The following ARHGAP10 variants were observed in gnomAD, a reference collection of about 807,000 sequenced individuals.
ARHGAP10 encodes the protein rho GTPase-activating protein 10.
Under a neutral mutation model 108.6 loss-of-function variants are expected in ARHGAP10, and 87 were observed. The ratio of observed to expected loss-of-function variants is 0.80; its 90% confidence interval spans 0.67 to 0.96. The LOEUF (loss-of-function observed/expected upper bound fraction) is 0.96. ARHGAP10 is among the 40% of genes least tolerant of loss of function. The pLI is 0.00. For synonymous variants in ARHGAP10, 347 were observed against 341.1 expected (o/e 1.02, Z -0.19); for missense variants, 939 against 954.5 (o/e 0.98, Z 0.21).
chr4:147,754,596 A>G (rs1442919312), intron 1 of ARHGAP10, among the ~76,000 whole-genome samples: 1 of 152,188 alleles, frequency 6.6e-6, no homozygotes, highest in Admixed American at 6.5e-5. Flanking sequence ...TTTATATTCA[A>G]CATACTGAAT....
chr4:147,982,509 T>C (rs1739852783), intron 18 of ARHGAP10, among the ~76,000 whole-genome samples: 1 of 147,640 alleles, frequency 6.8e-6, no homozygotes. Context: ...AGACTGTAGC[T>C]GGGACTACAG....
chr4:148,051,669 G>GA (rs2149683247), intron 20 of ARHGAP10, among the ~76,000 whole-genome samples: 1 of 152,338 alleles, frequency 6.6e-6, no homozygotes, highest in African/African-American at 2.4e-5. Context: ...CACCCACTGA[G>GA]AGGCTTGGCT....
intron 18 of ARHGAP10, among the ~76,000 whole-genome samples, chr4:148,004,530 G>C (rs1043119794): frequency 5.3e-5 from 8 of 152,172 alleles, no homozygotes; most frequent in African/African-American, 1.9e-4. Context: ...TCTTAGACCA[G>C]AGAGAGAAAT....
chr4:147,891,031 G>T (rs1735777379), intron 10 of ARHGAP10, among the ~76,000 whole-genome samples: 1 of 152,318 alleles, frequency 6.6e-6, no homozygotes, highest in African/African-American at 2.4e-5. Context: ...CTGAGAGTGA[G>T]AATTTAAATG....
Position 147,955,493 on chromosome 4 carries a change from C to T in ARHGAP10, c.1450+119C>T. ...CAGTTTGTGTTAAAAATAGAAATCGCTTTAAATGATGTTTGGTGCCTCCCC... is the reference window on the plus strand; with the variant it reads ...CAGTTTGTGTTAAAAATAGAAATCGTTTTAAATGATGTTTGGTGCCTCCCC... On this transcript the variant is annotated intron_variant, in intron 16 of 22. Coordinates refer to ENST00000336498, the MANE Select transcript of ARHGAP10 (RefSeq NM_024605.4). 6 of 855,900 alleles carry T rather than the reference C, an allele frequency of 7.0e-6. No homozygotes were observed. In the South Asian group the frequency reaches 1.0e-4, roughly 15 times the overall value. The allele number at this position is 855,900 out of a possible 1,614,324, so 53.0% of individuals were successfully genotyped here.
At chr4:147,870,848 T>A (rs9997027) in intron 7 of ARHGAP10, among the ~76,000 whole-genome samples, 19,821 of 151,908 alleles carry the variant, frequency 0.13, 1,669 homozygotes, top group East Asian at 0.25. Context: ...ATAACAAGAA[T>A]GGGTAGGAAG....
intron 16 of ARHGAP10, 124 bp downstream of exon 16, chr4:147,955,498 AATG>A (rs1738758262): frequency 1.2e-6 from 1 of 828,838 alleles, no homozygotes; most frequent in Non-Finnish European, 1.9e-6. Flanking sequence ...AATCGCTTTA[AATG>A]ATGTTTGGTG....
chr4:147,841,215 T>G (rs1461781811), intron 3 of ARHGAP10, among the ~76,000 whole-genome samples: 1 of 152,244 alleles, frequency 6.6e-6, no homozygotes, highest in Non-Finnish European at 1.5e-5. Flanking sequence ...TTCAAGAAGC[T>G]TCCTTTTGTT....
At chr4:147,868,786 C>G (rs553006683) in intron 7 of ARHGAP10, among the ~76,000 whole-genome samples, 8 of 152,102 alleles carry the variant, frequency 5.3e-5, no homozygotes, top group African/African-American at 1.7e-4. Flanking sequence ...GTGCGCAGTT[C>G]ACAATACGGT....
chr4:147,780,654 G>T (rs1395391116), intron 1 of ARHGAP10, among the ~76,000 whole-genome samples: 1 of 152,186 alleles, frequency 6.6e-6, no homozygotes, highest in Non-Finnish European at 1.5e-5. Context: ...GACTTGAGAA[G>T]GGGAAGTCAC....
At chr4:147,826,496 C>T (rs568627358) in intron 3 of ARHGAP10, among the ~76,000 whole-genome samples, 46 of 152,274 alleles carry the variant, frequency 3.0e-4, no homozygotes, top group Non-Finnish European at 5.4e-4. Flanking sequence ...GAAAGCAGGA[C>T]GCTGTCCAAA....
At position 147,838,103 on chromosome 4, in the gene ARHGAP10, T is replaced by G. The variant is rs528336997; in HGVS notation, c.313-9048T>G. ...TTTCTGCACTTATTTAATAAAAAAT[T>G]TGTCCCAGCTCTTGGCACCTTTGAG... On this transcript the variant is annotated intron_variant, in intron 3 of 22. Transcript: ENST00000336498. Among the ~76,000 whole-genome samples the G allele has an allele frequency of 4.6e-5, 7 of 152,284 alleles. No individual in the cohort carries two copies. In the South Asian group the frequency reaches 1.5e-3, roughly 32 times the overall value.
intron 1 of ARHGAP10, among the ~76,000 whole-genome samples, chr4:147,754,980 G>T (rs144656636): frequency 6.6e-6 from 1 of 151,892 alleles, no homozygotes; most frequent in Admixed American, 6.6e-5. Context: ...TACTTGAGAG[G>T]CTGAGGCAGG....
intron 18 of ARHGAP10, among the ~76,000 whole-genome samples, chr4:147,990,722 T>G (rs879600133): frequency 1.3e-5 from 2 of 152,100 alleles, no homozygotes; most frequent in Non-Finnish European, 2.9e-5. Context: ...AGCCAAACAT[T>G]GAGTACATAG....
Position 147,757,841 on chromosome 4 carries a change from C to A in ARHGAP10, c.154+25386C>A, listed in dbSNP as rs17023757. Among the ~76,000 whole-genome samples the A allele has an allele frequency of 1.5e-3, 232 of 152,224 alleles. 4 individuals carry two copies. Among genetic ancestry groups the A allele is most frequent in the African/African-American group, 5.3e-3 (218 of 41,508 alleles). On this transcript the variant is annotated intron_variant, in intron 1 of 22. Transcript: ENST00000336498. ...TGGTCATTGGCCAACCTGTCTGTTC[C>A]CTTCCCTGGGATCTGGTGCCCATCC...
intron 22 of ARHGAP10, among the ~76,000 whole-genome samples, chr4:148,065,943 C>A (rs1729850968): frequency 7.6e-6 from 1 of 131,928 alleles, no homozygotes; most frequent in African/African-American, 2.8e-5. Flanking sequence ...CCCAGGAGTT[C>A]GAGGCCAGCC....
intron 1 of ARHGAP10, among the ~76,000 whole-genome samples, chr4:147,743,395 A>G (rs1246405316): frequency 2.6e-5 from 4 of 152,058 alleles, no homozygotes; most frequent in Non-Finnish European, 4.4e-5. Context: ...ACTAAAATAG[A>G]TAGGTCTTTG....
At chr4:148,069,305 A>G (rs1161360883) in intron 22 of ARHGAP10, among the ~76,000 whole-genome samples, 1 of 152,032 alleles carries the variant, frequency 6.6e-6, no homozygotes, top group African/African-American at 2.4e-5. Context: ...GTCCACTTCC[A>G]AGGCTCTTGG....
intron 1 of ARHGAP10, among the ~76,000 whole-genome samples, chr4:147,819,029 G>A (rs142801269): frequency 5.8e-4 from 88 of 152,298 alleles, no homozygotes; most frequent in African/African-American, 1.9e-3. Flanking sequence ...CAGGTACAAA[G>A]CATGCTCTTT....
Sources: gnomAD v4.1 joint callset for allele counts (sites outside exome capture counted in the v4.1 genomes callset) on GRCh38, gnomAD v4.1.1 for gene constraint, MANE v1.5 for transcripts, NCBI Gene and HGNC (gene_info 2026-07-23, HGNC 2026-07-21) for gene names.